ADARB2: variants seen among roughly 807,000 people sequenced by gnomAD.
ADARB2 encodes adenosine deaminase RNA specific B2 (inactive), also known as inactive double-stranded RNA-specific editase B2.
Under a neutral mutation model 62.2 loss-of-function variants are expected in ADARB2, and 25 were observed. That is an observed-to-expected ratio of 0.40 (90% CI 0.29 to 0.56). ADARB2 has a LOEUF of 0.56. ADARB2 is among the 20% of genes least tolerant of loss of function. ADARB2 has a pLI of 0.43. For synonymous variants in ADARB2, 572 were observed against 500.8 expected (o/e 1.14, Z -1.90); for missense variants, 1,071 against 1,077.4 (o/e 0.99, Z 0.08).
chr10:1,240,906 C>T (rs1830914203), intron 5 of ADARB2, among the ~76,000 whole-genome samples: 2 of 152,364 alleles, frequency 1.3e-5, no homozygotes, highest in African/African-American at 2.4e-5. Context: ...TCCTGCTGCA[C>T]CCCGCAGGCC....
At chr10:1,496,299 TCATCAG>T (rs1831690395) in intron 1 of ADARB2, among the ~76,000 whole-genome samples, 1 of 150,872 alleles carries the variant, frequency 6.6e-6, no homozygotes, top group Non-Finnish European at 1.5e-5. Flanking sequence ...ATAGTCACCA[TCATCAG>T]TATCAACATC....
chr10:1,609,514 A>G (rs1290704283), intron 1 of ADARB2, among the ~76,000 whole-genome samples: 1 of 152,218 alleles, frequency 6.6e-6, no homozygotes, highest in Non-Finnish European at 1.5e-5. Flanking sequence ...GCATGCATCC[A>G]ACAGCTGCCA....
At chr10:1,689,665 A>T (rs1282688460) in intron 1 of ADARB2, among the ~76,000 whole-genome samples, 1 of 152,186 alleles carries the variant, frequency 6.6e-6, no homozygotes, top group East Asian at 1.9e-4. Context: ...ACCTAACTTG[A>T]TGGGTGTTCA....
intron 3 of ADARB2, among the ~76,000 whole-genome samples, chr10:1,332,476 G>GTT (rs759566790): frequency 0.022 from 2,807 of 130,220 alleles, 61 homozygotes; most frequent in East Asian, 0.037. Flanking sequence ...ACTAGCATCA[G>GTT]TTTTGTTTTT....
At chr10:1,464,047 T>C (rs560939977) in intron 1 of ADARB2, among the ~76,000 whole-genome samples, 1 of 152,196 alleles carries the variant, frequency 6.6e-6, no homozygotes, top group African/African-American at 2.4e-5. Context: ...CAGTGAATGC[T>C]GACAAGGATG....
chr10:1,519,687 A>G (rs961838321), intron 1 of ADARB2, among the ~76,000 whole-genome samples: 3 of 152,156 alleles, frequency 2.0e-5, no homozygotes, highest in South Asian at 2.1e-4. Flanking sequence ...AGAACATGAA[A>G]AAGTCATTCC....
rs79421823 is a variant in ADARB2, at chr10:1,436,283, C to T, written c.101-57123G>A. On this transcript the variant is annotated intron_variant, in intron 1 of 9. Transcript: ENST00000381312. ...TATGGAGAATCATCACAAGGGAAAC[C>T]TATACTACCCTAGCAGCTACTTTTT... Among the ~76,000 whole-genome samples, 1,441 of 152,268 alleles carry T rather than the reference C, an allele frequency of 9.5e-3. 25 individuals carry two copies. Among genetic ancestry groups the T allele is most frequent in the African/African-American group, 0.028 (1,166 of 41,552 alleles).
intron 1 of ADARB2, among the ~76,000 whole-genome samples, chr10:1,711,484 C>T (rs181054783): frequency 6.6e-6 from 1 of 152,310 alleles, no homozygotes; most frequent in Admixed American, 6.5e-5. Context: ...TGATTTTGTT[C>T]TTCTGCTCTT....
chr10:1,234,549 T>A (rs1398060554), intron 5 of ADARB2, among the ~76,000 whole-genome samples: 1 of 150,544 alleles, frequency 6.6e-6, no homozygotes. Flanking sequence ...CAAGTGATCC[T>A]CCTGCCTCAG....
intron 7 of ADARB2, among the ~76,000 whole-genome samples, chr10:1,202,573 A>G (rs1282293371): frequency 1.3e-5 from 2 of 152,186 alleles, no homozygotes; most frequent in Admixed American, 6.5e-5. Flanking sequence ...GAAATTCAGC[A>G]GTGTGGCCCT....
At chr10:1,474,889 G>A (rs940884502) in intron 1 of ADARB2, among the ~76,000 whole-genome samples, 3 of 152,172 alleles carry the variant, frequency 2.0e-5, no homozygotes, top group African/African-American at 7.2e-5. Context: ...TGCGTGTCAC[G>A]GGGGGTCACG....
At position 1,184,947 on chromosome 10, in the gene ADARB2, C is replaced by T. The variant is rs1178913079; in HGVS notation, c.1957G>A (p.Ala653Thr). 14 of 1,613,780 alleles carry T rather than the reference C, an allele frequency of 8.7e-6. No individual in the cohort carries two copies. Among genetic ancestry groups the T allele is most frequent in the East Asian group, 4.5e-5 (2 of 44,894 alleles). ...VGSADLEIIN[A>T]TTGRRSCGGP... ...CCACAGCTCCTCCGCCCAGTGGTGG[C>T]GTTGATAATCTCCAGGTCCGCGCTG... Residue 653 changes from alanine to threonine, a missense_variant, in exon 9 of 10, where the codon GCC becomes ACC. By Grantham distance (58) the Ala-to-Thr change is moderately conservative. Coordinates refer to ENST00000381312, the MANE Select transcript of ADARB2 (RefSeq NM_018702.4).
At chr10:1,614,263 T>C (rs1833604124) in intron 1 of ADARB2, among the ~76,000 whole-genome samples, 1 of 152,252 alleles carries the variant, frequency 6.6e-6, no homozygotes, top group Non-Finnish European at 1.5e-5. Flanking sequence ...AGAACATCAA[T>C]GTTTATTACA....
intron 1 of ADARB2, among the ~76,000 whole-genome samples, chr10:1,486,666 G>T (rs1588274967): frequency 1.3e-5 from 2 of 152,240 alleles, no homozygotes; most frequent in East Asian, 3.9e-4. Context: ...GAAAAAGCAG[G>T]GGTGCAAAAG....
intron 1 of ADARB2, among the ~76,000 whole-genome samples, chr10:1,440,965 A>G (rs1830898423): frequency 6.6e-6 from 1 of 152,242 alleles, no homozygotes; most frequent in Non-Finnish European, 1.5e-5. Flanking sequence ...AATAGCTAGC[A>G]CTATTCATTC....
chr10:1,391,550 G>A (rs1003947837), intron 1 of ADARB2, among the ~76,000 whole-genome samples: 3 of 152,148 alleles, frequency 2.0e-5, no homozygotes, highest in African/African-American at 4.8e-5. Flanking sequence ...AAAGATCAAT[G>A]TTTTTGGAGT....
chr10:1,540,411 G>T (rs1475681694), intron 1 of ADARB2, among the ~76,000 whole-genome samples: 1 of 126,658 alleles, frequency 7.9e-6, no homozygotes. Context: ...CTCACCTGCG[G>T]CCTTAGAAGG....
intron 2 of ADARB2, among the ~76,000 whole-genome samples, chr10:1,376,011 C>T (rs115001056): frequency 2.0e-5 from 3 of 151,584 alleles, no homozygotes; most frequent in Admixed American, 6.6e-5. Flanking sequence ...CACATATACA[C>T]GTGAACTCAC....
chr10:1,480,369 T>C (rs1831451218), intron 1 of ADARB2, among the ~76,000 whole-genome samples: 1 of 152,242 alleles, frequency 6.6e-6, no homozygotes, highest in African/African-American at 2.4e-5. Flanking sequence ...GTTGCATTTC[T>C]ATGTACAAAC....
Sources: allele counts gnomAD v4.1 joint callset (sites outside exome capture counted in the v4.1 genomes callset), GRCh38; gene constraint gnomAD v4.1.1; transcripts MANE v1.5; gene names NCBI Gene and HGNC (gene_info 2026-07-23, HGNC 2026-07-21).